MGAM2: variants seen among roughly 807,000 people sequenced by gnomAD.
MGAM2 encodes the protein maltase-glucoamylase 2 (putative).
A neutral mutation model predicts 96.1 loss-of-function variants in MGAM2; 98 were observed. That is an observed-to-expected ratio of 1.02 (90% CI 0.87 to 1.21). The LOEUF is 1.21. MGAM2 is among the 50% of genes most tolerant of loss of function. The pLI is 0.00. For missense variants in MGAM2, 2,055 were observed against 1,182.4 expected, an observed-to-expected ratio of 1.74 and a Z score of -10.82; for synonymous variants, 749 against 414.8, an observed-to-expected ratio of 1.81 and a Z score of -9.79.
rs1050141339 is a variant in MGAM2 at position 142,197,716 on chromosome 7, T to C, written c.4854T>C (p.Pro1618=). 5.0e-5 allele frequency: 35 copies of C among 702,892 alleles called. No individual in the cohort carries two copies. In the Admixed American group the frequency reaches 6.8e-4, roughly 14 times the overall value. 43.5% of individuals were successfully genotyped at this position (702,892 alleles called of 1,614,324 possible). A position where few individuals can be genotyped will look rare whatever the true frequency, so the allele number is the denominator to read the frequency against. The change falls in exon 42 of 48, where the codon CCT becomes CCC. Residue 1618 remains proline (P), a synonymous_variant. Transcript: ENST00000477922. Reference sequence around the variant, plus strand: ...TGGGCCCTGCTATCTTAATCAGCCCTGTGTTGGAAACTGTGAGTTCTTCAT... The same window carrying C: ...TGGGCCCTGCTATCTTAATCAGCCCCGTGTTGGAAACTGTGAGTTCTTCAT... ...FMLGPAILIS[P]VLETSTFEIS...
intron 3 of MGAM2, 82 bp from the exon 4 acceptor site, chr7:142,130,866 T>A (rs1794862826): frequency 3.1e-6 from 2 of 644,340 alleles, no homozygotes; most frequent in Non-Finnish European, 5.7e-6. Context: ...CTCCTTGGAA[T>A]AAAATGGGTT....
At chr7:142,141,738 G>A (rs1251090037) in intron 12 of MGAM2, among the ~76,000 whole-genome samples, 1 of 152,128 alleles carries the variant, frequency 6.6e-6, no homozygotes, top group Non-Finnish European at 1.5e-5. Flanking sequence ...GACCTCAGGT[G>A]ATTTGCCTGC....
At chr7:142,141,639 A>G (rs1481571067) in intron 12 of MGAM2, among the ~76,000 whole-genome samples, 2 of 152,072 alleles carry the variant, frequency 1.3e-5, no homozygotes, top group Non-Finnish European at 2.9e-5. Context: ...AGCTGGGATT[A>G]CAGGCACACG....
intron 46 of MGAM2, among the ~76,000 whole-genome samples, chr7:142,214,275 C>G (rs531724326): frequency 4.5e-4 from 68 of 152,280 alleles, no homozygotes; most frequent in Middle Eastern, 6.8e-3. Flanking sequence ...TCTCACCACT[C>G]CTATTCAGCA....
At chr7:142,138,345 T>G (rs532561994) in intron 9 of MGAM2, among the ~76,000 whole-genome samples, 197 bp from the exon 10 acceptor site, 449 of 151,656 alleles carry the variant, frequency 3.0e-3, no homozygotes, top group Non-Finnish European at 5.4e-3. Flanking sequence ...AAACATTTTC[T>G]GCAAATTTTA....
In MGAM2 at chr7:142,172,411, A is replaced by G. The variant is rs144645101; in HGVS notation, c.3448+217A>G. On this transcript the variant is annotated intron_variant, in intron 29 of 47. Coordinates refer to ENST00000477922, the MANE Select transcript of MGAM2 (RefSeq NM_001293626.2). ...GATCAGTTATGGCTCCTACTCTGGC[A>G]TAGCCTATTTTACTGTGACACTTTG... is the stretch of plus-strand genomic sequence containing the variant. Among the ~76,000 whole-genome samples the G allele has an allele frequency of 1.6e-3, 235 of 145,390 alleles. 3 individuals carry two copies. The highest frequency in any genetic ancestry group is 5.1e-3 in the African/African-American group (197 of 38,738).
chr7:142,215,777 A>C (rs1429848369), intron 46 of MGAM2, among the ~76,000 whole-genome samples: 4 of 142,542 alleles, frequency 2.8e-5, no homozygotes, highest in African/African-American at 1.0e-4. Context: ...AAAAAAAAAA[A>C]CCTCATGAAT....
chr7:142,164,708 T>A lies in MGAM2; in HGVS notation c.2485-148T>A, dbSNP rs940716962. ...TTGATAAGAGTCTGAGTGAACGAGT[T>A]CCCTAGGGATGATGACCTAGCAACA... On this transcript the variant is annotated intron_variant, in intron 23 of 47. Transcript: ENST00000477922. 6 of 480,932 alleles carry A rather than the reference T, an allele frequency of 1.2e-5. No homozygotes were observed. The East Asian group carries it at 1.3e-4, about 11-fold the overall frequency. 29.8% of individuals were successfully genotyped at this position (480,932 alleles called of 1,614,324 possible). A position where few individuals can be genotyped will look rare whatever the true frequency, so the allele number is the denominator to read the frequency against.
At chr7:142,180,473 G>A (rs921676694) in intron 32 of MGAM2, among the ~76,000 whole-genome samples, 3 of 152,110 alleles carry the variant, frequency 2.0e-5, no homozygotes, top group Admixed American at 6.5e-5. Context: ...CTAACTTCTC[G>A]ATGTAGGCAC....
intron 45 of MGAM2, among the ~76,000 whole-genome samples, chr7:142,203,457 A>G (rs1290087818): frequency 6.6e-6 from 1 of 152,142 alleles, no homozygotes; most frequent in African/African-American, 2.4e-5. Context: ...TATTCTTATC[A>G]AACTAGCAAT....
chr7:142,213,137 A>G (rs146348151), intron 46 of MGAM2, among the ~76,000 whole-genome samples: 1,645 of 152,242 alleles, frequency 0.011, 28 homozygotes, highest in African/African-American at 0.037. Context: ...TGAAACCAAC[A>G]AAAACAAAGA....
At chr7:142,157,197 T>C (rs897952914) in intron 17 of MGAM2, among the ~76,000 whole-genome samples, 1 of 151,848 alleles carries the variant, frequency 6.6e-6, no homozygotes, top group Non-Finnish European at 1.5e-5. Flanking sequence ...CAATGTGGCT[T>C]ATAAGGCAAT....
intron 21 of MGAM2, 47 bp downstream of exon 21, chr7:142,160,305 G>T: frequency 1.6e-6 from 1 of 621,050 alleles, no homozygotes; most frequent in Non-Finnish European, 2.9e-6. Context: ...GTGCTCTAAT[G>T]GAGCAGGGCA....
chr7:142,167,299 A>C lies in MGAM2; in HGVS notation c.2840A>C (p.Tyr947Ser). The change falls in exon 26 of 48, where the codon TAC becomes TCC. Residue 947 changes from tyrosine (Y) to serine (S), a missense_variant. Transcript: ENST00000477922. ...DTSTPGVPTC[Y>S]YDTIPNYVAS... ...TCTACTCCTGGAGTGCCCACCTGTT[A>C]CTATGACACCATCCCTAATTATGTT... The C allele has an allele frequency of 2.9e-6, 2 of 701,588 alleles. No homozygotes were observed. Among genetic ancestry groups the C allele is most frequent in the Non-Finnish European group, 5.2e-6 (2 of 384,060 alleles). 43.5% of individuals were successfully genotyped at this position (701,588 alleles called of 1,614,324 possible). A position where few individuals can be genotyped will look rare whatever the true frequency, so the allele number is the denominator to read the frequency against.
chr7:142,129,779 T>A (rs1311603239), intron 3 of MGAM2, among the ~76,000 whole-genome samples: 1 of 118,562 alleles, frequency 8.4e-6, no homozygotes, highest in Non-Finnish European at 1.6e-5. Context: ...GAGCCGAGAC[T>A]GCACCATTGC....
chr7:142,149,706 A>G (rs923963462), intron 15 of MGAM2, among the ~76,000 whole-genome samples: 1 of 151,322 alleles, frequency 6.6e-6, no homozygotes, highest in Non-Finnish European at 1.5e-5. Flanking sequence ...ACGCCCGGCT[A>G]ATTGTTTGTA....
At chr7:142,160,062 A>G in intron 20 of MGAM2, 72 bp from the exon 21 acceptor site, 1 of 633,264 alleles carries the variant, frequency 1.6e-6, no homozygotes, top group South Asian at 1.8e-5. Context: ...ACTGAATGAG[A>G]TGATACCTAA....
intron 26 of MGAM2, 92 bp downstream of exon 26, chr7:142,167,578 T>A: frequency 1.5e-6 from 1 of 662,372 alleles, no homozygotes; most frequent in Non-Finnish European, 2.8e-6. Context: ...ATTAAAACAT[T>A]TTTTTTCTTT....
intron 38 of MGAM2, 81 bp from the exon 39 acceptor site, chr7:142,196,484 G>C: frequency 1.4e-6 from 1 of 701,598 alleles, no homozygotes; most frequent in Non-Finnish European, 2.6e-6. Context: ...TTTCTAATGG[G>C]GTAAGGAAAA....
Sources: gnomAD v4.1 joint callset for allele counts (sites outside exome capture counted in the v4.1 genomes callset) on GRCh38, gnomAD v4.1.1 for gene constraint, MANE v1.5 for transcripts, NCBI Gene and HGNC (gene_info 2026-07-23, HGNC 2026-07-21) for gene names.